The following TENM2 variants were observed in gnomAD, a reference collection of about 807,000 sequenced individuals.
The protein encoded by TENM2 is teneurin-2.
TENM2 carries 52 observed loss-of-function variants against 245.2 expected under a neutral mutation model. The ratio of observed to expected loss-of-function variants is 0.21; its 90% CI spans 0.17 to 0.27. The LOEUF (loss-of-function observed/expected upper bound fraction) is 0.27, where lower values mean the gene tolerates loss of function less well. Among genes scored for constraint, TENM2 ranks in the 10% least tolerant of loss-of-function variants. The pLI is 1.00. For synonymous variants in TENM2, 1,363 were observed against 1,438.9 expected (o/e 0.95, Z 1.19); for missense variants, 3,046 against 3,666.8 (o/e 0.83, Z 4.37).
intron 2 of TENM2, among the ~76,000 whole-genome samples, chr5:167,635,188 A>G (rs1156540000): frequency 6.6e-6 from 1 of 152,200 alleles, no homozygotes; most frequent in Non-Finnish European, 1.5e-5. Context: ...ACAGAGATAT[A>G]TAATTTACAA....
chr5:167,608,158 T>C (rs1777191709), intron 2 of TENM2, among the ~76,000 whole-genome samples: 1 of 152,158 alleles, frequency 6.6e-6, no homozygotes, highest in African/African-American at 2.4e-5. Flanking sequence ...ATTTTACTTA[T>C]AATGCATAAT....
At chr5:167,404,918 C>T (rs2127392494) in intron 2 of TENM2, among the ~76,000 whole-genome samples, 1 of 152,248 alleles carries the variant, frequency 6.6e-6, no homozygotes, top group South Asian at 2.1e-4. Context: ...AAATTCAGAA[C>T]TCTTAGCAGT....
intron 2 of TENM2, among the ~76,000 whole-genome samples, chr5:167,479,198 G>C (rs939745629): frequency 3.3e-5 from 5 of 152,000 alleles, no homozygotes; most frequent in African/African-American, 1.2e-4. Flanking sequence ...GAGTTATCAT[G>C]GTTTTTTTGT....
chr5:167,908,949 A>G (rs914630834), intron 3 of TENM2, among the ~76,000 whole-genome samples: 3 of 152,108 alleles, frequency 2.0e-5, no homozygotes, highest in Admixed American at 6.5e-5. Context: ...CTTTCAATTT[A>G]TGGAAAGGGG....
chr5:167,189,869 C>T, the TENM2 span, among the ~76,000 whole-genome samples: 2 of 151,894 alleles, frequency 1.3e-5, no homozygotes, highest in Admixed American at 6.6e-5. Flanking sequence ...TGAGATATAA[C>T]TTTATATTAA....
At chr5:167,095,486 T>A in the TENM2 span, among the ~76,000 whole-genome samples, 5 of 152,128 alleles carry the variant, frequency 3.3e-5, no homozygotes, top group Admixed American at 6.5e-5. Context: ...ATCCTGTAAG[T>A]CTTGGCCCAG....
intron 7 of TENM2, among the ~76,000 whole-genome samples, chr5:168,090,226 A>G (rs1046968676): frequency 3.2e-5 from 4 of 123,754 alleles, no homozygotes; most frequent in South Asian, 2.5e-4. Flanking sequence ...CACCACACAC[A>G]CACACACACA....
chr5:167,196,509 T>TA, the TENM2 span, among the ~76,000 whole-genome samples: 1 of 138,314 alleles, frequency 7.2e-6, no homozygotes, highest in African/African-American at 3.4e-5. Flanking sequence ...TGTATATATA[T>TA]GTGTGTGTAT....
At chr5:167,789,551 C>G (rs1224352388) in intron 2 of TENM2, among the ~76,000 whole-genome samples, 1 of 152,204 alleles carries the variant, frequency 6.6e-6, no homozygotes, top group Non-Finnish European at 1.5e-5. Context: ...GTTGGTTGGA[C>G]ACTTTGAATG....
chr5:168,069,032 G>C (rs545794556), intron 7 of TENM2, among the ~76,000 whole-genome samples: 1 of 150,868 alleles, frequency 6.6e-6, no homozygotes, highest in Non-Finnish European at 1.5e-5. Context: ...TATAAAAAAA[G>C]GGGATTTGCA....
chr5:167,873,265 T>A (rs1449741147), intron 2 of TENM2, among the ~76,000 whole-genome samples: 2 of 152,238 alleles, frequency 1.3e-5, no homozygotes, highest in Non-Finnish European at 1.5e-5. Flanking sequence ...TTCAAAGAAA[T>A]GTTTCTTATT....
At chr5:167,219,814 T>C in the TENM2 span, among the ~76,000 whole-genome samples, 1 of 152,354 alleles carries the variant, frequency 6.6e-6, no homozygotes, top group African/African-American at 2.4e-5. Context: ...TGCACATCGT[T>C]TGAAAGCATT....
chr5:167,755,052 C>G, intron 2 of TENM2: 2 of 1,596,654 alleles, frequency 1.3e-6, no homozygotes. Context: ...CAGCTTACGC[C>G]GATGGTGAGC....
At chr5:167,908,823 G>C (rs1212955100) in intron 3 of TENM2, among the ~76,000 whole-genome samples, 1 of 151,590 alleles carries the variant, frequency 6.6e-6, no homozygotes, top group Non-Finnish European at 1.5e-5. Context: ...TGTATTGCTT[G>C]TGTAAAGAGG....
At chr5:167,211,854 CA>C in the TENM2 span, among the ~76,000 whole-genome samples, 1 of 151,982 alleles carries the variant, frequency 6.6e-6, no homozygotes, top group African/African-American at 2.4e-5. Context: ...TGACAGATTG[CA>C]CACTTATTTG....
the TENM2 span, among the ~76,000 whole-genome samples, chr5:167,194,522 C>G: frequency 6.6e-6 from 1 of 151,932 alleles, no homozygotes. Context: ...CAGAATTGTA[C>G]ATTTGGAAGA....
the TENM2 span, among the ~76,000 whole-genome samples, chr5:166,979,229 A>AGCAGCAGCAGCAGCC: frequency 6.9e-6 from 1 of 145,408 alleles, no homozygotes; most frequent in African/African-American, 2.5e-5. Context: ...CAGCAGCAGC[A>AGCAGCAGCAGCAGCC]GCAGCAGCCG....
intron 2 of TENM2, among the ~76,000 whole-genome samples, chr5:167,776,418 G>T (rs1203661155): frequency 6.6e-6 from 1 of 151,164 alleles, no homozygotes; most frequent in Non-Finnish European, 1.5e-5. Context: ...GCAGCAAGGC[G>T]AGACCCCATC....
intron 7 of TENM2, among the ~76,000 whole-genome samples, chr5:168,081,172 T>C (rs1002551646): frequency 6.6e-6 from 1 of 152,208 alleles, no homozygotes; most frequent in Non-Finnish European, 1.5e-5. Flanking sequence ...ATTGATCCCT[T>C]TACCATTATG....
Sources: allele counts gnomAD v4.1 joint callset (sites outside exome capture counted in the v4.1 genomes callset), GRCh38; gene constraint gnomAD v4.1.1; transcripts MANE v1.5; gene names NCBI Gene and HGNC (gene_info 2026-07-23, HGNC 2026-07-21).